Variants in DNAH17 observed in about 807,000 individuals in gnomAD.
DNAH17 encodes the protein axonemal beta dynein heavy chain 17.
DNAH17 carries 376 observed loss-of-function variants against 485.6 expected under a neutral mutation model. The ratio of observed to expected loss-of-function variants is 0.77; its 90% CI spans 0.71 to 0.84. DNAH17 has a LOEUF of 0.84. Among genes scored for constraint, DNAH17 ranks in the 40% least tolerant of loss-of-function variants. The pLI is 0.00. For synonymous variants in DNAH17, 3,031 were observed against 2,405.9 expected (o/e 1.26, Z -7.60); for missense variants, 6,370 against 5,839.3 (o/e 1.09, Z -2.96).
At chr17:78,535,176 C>T (rs1271895183) in intron 19 of DNAH17, among the ~76,000 whole-genome samples, 3 of 152,166 alleles carry the variant, frequency 2.0e-5, no homozygotes, top group Non-Finnish European at 4.4e-5. Flanking sequence ...CTGCAGCAAC[C>T]GTGGGTGCCC....
At chr17:78,513,725 C>T (rs961782042) in intron 26 of DNAH17, among the ~76,000 whole-genome samples, 6 of 152,132 alleles carry the variant, frequency 3.9e-5, no homozygotes, top group Non-Finnish European at 5.9e-5. Context: ...CATGAGCCAC[C>T]GCACCCGGCT....
In DNAH17 at chr17:78,486,071, G is replaced by A. The variant is rs768449383; in HGVS notation, c.7164C>T (p.Phe2388=). The A allele has an allele frequency of 3.1e-6, 5 of 1,613,830 alleles. No homozygotes were observed. Among genetic ancestry groups the A allele is most frequent in the East Asian group, 2.2e-5 (1 of 44,886 alleles). ...WWINEFKTIK[F]PSQGTIFDYY... ...AGTCAAAAATCGTTCCCTGCGAGGG[G>A]AACTTGATAGTCTTGAATTCGTTGA... Residue 2388 remains phenylalanine (F), a synonymous_variant, in exon 46 of 81, where the codon TTC becomes TTT. Transcript: ENST00000389840.
intron 33 of DNAH17, 116 bp downstream of exon 33, chr17:78,502,475 C>A: frequency 1.9e-6 from 2 of 1,031,712 alleles, no homozygotes; most frequent in Non-Finnish European, 2.7e-6. Context: ...GCTCAGCCTC[C>A]GAGAAGAAGC....
chr17:78,472,505 C>T (rs1001579898), intron 54 of DNAH17, among the ~76,000 whole-genome samples: 1 of 152,126 alleles, frequency 6.6e-6, no homozygotes, highest in Non-Finnish European at 1.5e-5. Flanking sequence ...CCGCTGAGAC[C>T]ACGGCCCCTC....
intron 16 of DNAH17, among the ~76,000 whole-genome samples, chr17:78,545,319 GTA>G (rs1278849464): frequency 3.3e-5 from 5 of 152,150 alleles, no homozygotes; most frequent in East Asian, 1.9e-4. Flanking sequence ...AACGCGTTCT[GTA>G]TATGTCTTAG....
intron 20 of DNAH17, among the ~76,000 whole-genome samples, chr17:78,531,289 A>G (rs1045651099): frequency 6.6e-6 from 1 of 150,418 alleles, no homozygotes; most frequent in Non-Finnish European, 1.5e-5. Flanking sequence ...TTGTCATTAC[A>G]TAGTGACCTT....
intron 19 of DNAH17, 111 bp downstream of exon 19, chr17:78,537,188 A>ATGG: frequency 8.6e-7 from 1 of 1,157,544 alleles, no homozygotes; most frequent in African/African-American, 2.9e-5. Flanking sequence ...AAAAAAAAAA[A>ATGG]AAGAAAAAAA....
chr17:78,535,142 A>T (rs2091342052), intron 19 of DNAH17, among the ~76,000 whole-genome samples: 1 of 152,144 alleles, frequency 6.6e-6, no homozygotes, highest in Non-Finnish European at 1.5e-5. Context: ...GTGCTGGCAG[A>T]GCCCAGGGGT....
intron 71 of DNAH17, among the ~76,000 whole-genome samples, chr17:78,441,776 G>C (rs988274028): frequency 2.0e-5 from 3 of 152,088 alleles, no homozygotes; most frequent in Admixed American, 6.6e-5. Flanking sequence ...TATAAAGAAT[G>C]AATCACCTGA....
Position 78,466,911 on chromosome 17 carries a change from G to A in DNAH17, c.8779-95C>T, listed in dbSNP as rs527669440. 1.4e-3 allele frequency: 1,872 copies of A among 1,350,040 alleles called. 22 individuals are homozygous for A. Among genetic ancestry groups the A allele is most frequent in the Admixed American group, 3.1e-4 (11 of 34,986 alleles). The allele number at this position is 1,350,040 out of a possible 1,614,324, so 83.6% of individuals were successfully genotyped here. A position where few individuals can be genotyped will look rare whatever the true frequency, so the allele number is the denominator to read the frequency against. Reference sequence around the variant, plus strand: ...AGAAAGCTCTGCCAGAAAGCAACGCGCCCTGCCGGGCTCAGCCGCCCAGGG... The same window carrying A: ...AGAAAGCTCTGCCAGAAAGCAACGCACCCTGCCGGGCTCAGCCGCCCAGGG... On this transcript the variant is annotated intron_variant, in intron 55 of 80. Transcript: ENST00000389840.
intron 14 of DNAH17, among the ~76,000 whole-genome samples, chr17:78,555,039 G>A (rs1441112963): frequency 2.6e-5 from 4 of 152,128 alleles, no homozygotes; most frequent in African/African-American, 2.4e-5. Flanking sequence ...GAGCCACTGC[G>A]CCCAGCCCAT....
chr17:78,439,854 G>A (rs975772996), intron 72 of DNAH17, among the ~76,000 whole-genome samples: 44 of 151,942 alleles, frequency 2.9e-4, no homozygotes, highest in African/African-American at 9.4e-4. Context: ...ATTTTTAGTA[G>A]AGATGGGGTT....
intron 51 of DNAH17, 144 bp from the exon 52 acceptor site, chr17:78,476,877 G>T: frequency 1.0e-6 from 1 of 1,001,472 alleles, no homozygotes; most frequent in Non-Finnish European, 1.4e-6. Flanking sequence ...CTTGGGGCCA[G>T]GGAAGCCACT....
At chr17:78,558,528 T>C (rs77134034) in intron 13 of DNAH17, among the ~76,000 whole-genome samples, 29 of 137,240 alleles carry the variant, frequency 2.1e-4, no homozygotes, top group African/African-American at 7.8e-4. Flanking sequence ...ATCACCCTCA[T>C]GGGTGGATGA....
rs147589828 is a variant in DNAH17, at chr17:78,573,108, G to A, written c.346-214C>T. The stretch of plus-strand genomic sequence containing the variant: ...CCTTCTTCCAGAAGGAGGTGTGGCC[G>A]GTCATGGAGTTTATACCAGCTGCCC... On this transcript the variant is annotated intron_variant, in intron 2 of 80. Coordinates refer to ENST00000389840, the MANE Select transcript of DNAH17 (RefSeq NM_173628.4). Among the ~76,000 whole-genome samples, 367 of 152,176 alleles carry A rather than the reference G, an allele frequency of 2.4e-3. 3 individuals are homozygous for A. Among genetic ancestry groups the A allele is most frequent in the African/African-American group, 8.4e-3 (350 of 41,502 alleles).
Position 78,529,485 on chromosome 17 carries a change from T to G in DNAH17, c.3494A>C (p.His1165Pro), listed in dbSNP as rs1171858499. 6.2e-7 allele frequency: 1 copy of G among 1,613,942 alleles called. No homozygotes were observed. Among genetic ancestry groups the G allele is most frequent in the Non-Finnish European group, 8.5e-7 (1 of 1,179,874 alleles). Residue 1165 changes from histidine (H) to proline (P), a missense_variant, in exon 22 of 81, where the codon CAC (histidine) becomes CCC (proline). Physicochemically the swap from His to Pro is moderately conservative, Grantham distance 77. Coordinates refer to ENST00000389840, the MANE Select transcript of DNAH17 (RefSeq NM_173628.4). ...TYGEEMPEEI[H>P]LKLQELPEHW... ...CCCACCACGTACCTGCAGCTTCAAG[T>G]GGATCTCCTCTGGCATCTCCTCCCC...
At chr17:78,550,447 GGAGAT>G (rs1192642007) in intron 16 of DNAH17, among the ~76,000 whole-genome samples, 1 of 8,800 alleles carries the variant, frequency 1.1e-4, no homozygotes, top group Non-Finnish European at 2.3e-4. Flanking sequence ...AATGGCATTT[GGAGAT>G]GAGAGCTTTA....
rs1324173723 is a variant in DNAH17 at position 78,434,045 on chromosome 17, A to G, written c.12209T>C (p.Leu4070Pro). ...GCCCCTCACCTTGGGGTTGGCCTCC[A>G]GGTAGTTGTAGAGCACGTTGATGGA... ...TISINVLYNY[L>P]EANPKVPWDD... Residue 4070 changes from leucine (L) to proline (P), a missense_variant, in exon 75 of 81, where the codon CTG (leucine) becomes CCG (proline). Physicochemically the swap from Leu to Pro is moderately conservative, Grantham distance 98. Transcript: ENST00000389840. The G allele has an allele frequency of 6.2e-7, 1 of 1,607,900 alleles. No individual in the cohort carries two copies. Among genetic ancestry groups the G allele is most frequent in the Non-Finnish European group, 8.5e-7 (1 of 1,176,278 alleles).
chr17:78,467,494 A>G (rs2088528160), intron 55 of DNAH17, among the ~76,000 whole-genome samples: 1 of 152,210 alleles, frequency 6.6e-6, no homozygotes, highest in African/African-American at 2.4e-5. Flanking sequence ...GGCAGCACCT[A>G]TCAGGGGATG....
Sources: gnomAD v4.1 joint callset for allele counts (sites outside exome capture counted in the v4.1 genomes callset) on GRCh38, gnomAD v4.1.1 for gene constraint, MANE v1.5 for transcripts, NCBI Gene and HGNC (gene_info 2026-07-23, HGNC 2026-07-21) for gene names.